Variants in MACF1 observed in about 807,000 individuals in gnomAD.
MACF1 encodes the protein microtubule-actin cross-linking factor 1.
In MACF1, 193 loss-of-function variants were observed where a neutral mutation model predicts 854.8. The ratio of observed to expected loss-of-function variants is 0.23; its 90% CI spans 0.20 to 0.25. The LOEUF (loss-of-function observed/expected upper bound fraction) is 0.25, where lower values mean the gene tolerates loss of function less well. MACF1 is among the 10% of genes least tolerant of loss of function. The pLI, the probability that MACF1 is intolerant of heterozygous loss-of-function variation, is 1.00. For missense variants in MACF1, 7,722 were observed against 8,929.1 expected (o/e 0.86, Z 5.45); for synonymous variants, 3,185 against 3,226.7 (o/e 0.99, Z 0.44).
intron 23 of MACF1, among the ~76,000 whole-genome samples, chr1:39,305,390 A>T (rs1281835878): frequency 2.0e-5 from 3 of 152,168 alleles, no homozygotes; most frequent in Non-Finnish European, 4.4e-5. Context: ...AAAGTTCCAC[A>T]TTCCAGAGTC....
chr1:39,179,978 G>T (rs1160954947), intron 2 of MACF1, among the ~76,000 whole-genome samples: 1 of 151,690 alleles, frequency 6.6e-6, no homozygotes, highest in Non-Finnish European at 1.5e-5. Context: ...TCACACCACT[G>T]CACTTCTGCT....
intron 6 of MACF1, among the ~76,000 whole-genome samples, chr1:39,264,762 T>C (rs1303434456): frequency 6.7e-6 from 1 of 149,288 alleles, no homozygotes; most frequent in Non-Finnish European, 1.5e-5. Flanking sequence ...CAAGCTCCGC[T>C]TCCCGGGTTC....
chr1:39,295,533 C>T (rs1287049252), intron 19 of MACF1, among the ~76,000 whole-genome samples: 1 of 152,184 alleles, frequency 6.6e-6, no homozygotes, highest in Admixed American at 6.5e-5. Context: ...CTGGGTTTTG[C>T]TGCCTAGATC....
At chr1:39,291,223 T>C (rs1370941842) in intron 15 of MACF1, among the ~76,000 whole-genome samples, 25 of 151,622 alleles carry the variant, frequency 1.6e-4, no homozygotes, top group African/African-American at 5.8e-4. Flanking sequence ...GTGATCCACC[T>C]GCCTCAGCCC....
intron 3 of MACF1, among the ~76,000 whole-genome samples, chr1:39,250,418 C>A (rs929520954): frequency 2.0e-5 from 3 of 151,940 alleles, no homozygotes. Context: ...ACAGTAGATT[C>A]ATGTTTAAAG....
intron 38 of MACF1, 119 bp from the exon 39 acceptor site, chr1:39,340,383 A>G: frequency 1.5e-6 from 1 of 682,810 alleles, no homozygotes; most frequent in South Asian, 1.9e-5. Flanking sequence ...TGTACATAAA[A>G]ACATTTTCTA....
chr1:39,105,467 T>C lies in MACF1; in HGVS notation c.220+21029T>C, dbSNP rs1292376955. 9.9e-7 allele frequency: 1 copy of C among 1,007,212 alleles called. No individual in the cohort carries two copies. The highest frequency in any genetic ancestry group is 1.1e-4 in the East Asian group (1 of 8,984). The allele number at this position is 1,007,212 out of a possible 1,614,324, so 62.4% of individuals were successfully genotyped here. On this transcript the variant is annotated intron_variant, in intron 2 of 93. Coordinates refer to the MACF1 transcript ENST00000361689. This position sits in a 1 kb window ranked among gnomAD's most constrained non-coding sequence, Gnocchi z 5.9. ...AGCGGACTGAGGAGCGGAGCGCGAC[T>C]GCCGGGCCGGGCGAGGCGGGCGGAC...
chr1:39,192,624 A>G (rs1644269377), intron 2 of MACF1, among the ~76,000 whole-genome samples: 1 of 152,216 alleles, frequency 6.6e-6, no homozygotes, highest in African/African-American at 2.4e-5. Flanking sequence ...TAAAAGCAAC[A>G]CAGTTTTCTT....
At chr1:39,412,852 G>A in intron 58 of MACF1, 1 of 1,611,406 alleles carries the variant, frequency 6.2e-7, no homozygotes, top group South Asian at 1.1e-5. Context: ...AATTGCTGCA[G>A]TGCCTGCCCC....
At chr1:39,437,448 C>CTACG (rs1644005633) in intron 70 of MACF1, among the ~76,000 whole-genome samples, 1 of 151,880 alleles carries the variant, frequency 6.6e-6, no homozygotes, top group African/African-American at 2.4e-5. Flanking sequence ...GTAGCTGGGA[C>CTACG]TACGGGCGTG....
chr1:39,458,421 A>G lies in MACF1; in HGVS notation c.21127A>G (p.Lys7043Glu), dbSNP rs1644485908. The G allele has an allele frequency of 6.2e-7, 1 of 1,614,036 alleles. No homozygotes were observed. The highest frequency in any genetic ancestry group is 8.5e-7 in the Non-Finnish European group (1 of 1,180,026). ...RKQPDVDRVTKTYKRKNIEPT... is the reference protein window; with the variant it reads ...RKQPDVDRVTETYKRKNIEPT... ...ACAGCCTGACGTGGACCGGGTCACC[A>G]AGACATACAAAAGGAAAAACATAGA... The change falls in exon 90 of 101, where the codon AAG (lysine) becomes GAG (glutamate). Residue 7043 changes from lysine (K) to glutamate (E), a missense_variant. Transcript: ENST00000564288.
At chr1:39,264,302 A>G (rs936045190) in intron 6 of MACF1, among the ~76,000 whole-genome samples, 1 of 152,098 alleles carries the variant, frequency 6.6e-6, no homozygotes, top group Non-Finnish European at 1.5e-5. Flanking sequence ...ATTTTGCCAA[A>G]TTGCTCTCAA....
intron 2 of MACF1, among the ~76,000 whole-genome samples, chr1:39,131,799 TTTTG>T (rs562034697): frequency 1.3e-4 from 20 of 152,264 alleles, no homozygotes; most frequent in Non-Finnish European, 1.6e-4. Flanking sequence ...GATTTAAAAT[TTTTG>T]TTTGTTTATT....
chr1:39,379,121 A>G, intron 53 of MACF1, 82 bp from the exon 54 acceptor site: 1 of 1,365,668 alleles, frequency 7.3e-7, no homozygotes, highest in Non-Finnish European at 1.0e-6. Context: ...AGTAAGAGAG[A>G]TGCAAGTAAT....
chr1:39,477,098 CACACAT>C (rs1186702759), intron 97 of MACF1, among the ~76,000 whole-genome samples: 4 of 122,342 alleles, frequency 3.3e-5, no homozygotes, highest in African/African-American at 6.8e-5. Context: ...TATACACACA[CACACAT>C]ATATACACTT....
chr1:39,109,971 T>C (rs560901370), intron 2 of MACF1, among the ~76,000 whole-genome samples: 2 of 152,244 alleles, frequency 1.3e-5, no homozygotes, highest in South Asian at 2.1e-4. Flanking sequence ...TTCCCCTTAT[T>C]ATGGGAGAAG....
At chr1:39,231,326 A>G in intron 2 of MACF1, 83 bp downstream of exon 2, 1 of 1,290,382 alleles carries the variant, frequency 7.7e-7, no homozygotes. Flanking sequence ...CAGATGGTTT[A>G]GATTGCTTGC....
intron 18 of MACF1, among the ~76,000 whole-genome samples, chr1:39,293,987 C>A (rs1645848612): frequency 1.3e-5 from 2 of 152,090 alleles, no homozygotes; most frequent in Admixed American, 1.3e-4. Flanking sequence ...CATTTAATCT[C>A]TCTGGACCTC....
At chr1:39,330,728 A>G (rs1646706669) in intron 36 of MACF1, among the ~76,000 whole-genome samples, 1 of 152,008 alleles carries the variant, frequency 6.6e-6, no homozygotes, top group African/African-American at 2.4e-5. Flanking sequence ...GGCTTGCTTC[A>G]GAATATTTCC....
Sources: allele counts gnomAD v4.1 joint callset (sites outside exome capture counted in the v4.1 genomes callset), GRCh38; gene constraint gnomAD v4.1.1; non-coding constraint Gnocchi (gnomAD v3.1); transcripts MANE v1.5; gene names NCBI Gene and HGNC (gene_info 2026-07-23, HGNC 2026-07-21).